The following SEMA5A variants were observed in gnomAD, a reference collection of about 807,000 sequenced individuals.
SEMA5A encodes semaphorin-5A.
Under a neutral mutation model 135.5 loss-of-function variants are expected in SEMA5A, and 55 were observed. The ratio of observed to expected loss-of-function variants is 0.41; its 90% CI spans 0.33 to 0.51. The LOEUF is 0.51. Ranked by LOEUF, SEMA5A falls within the 20% of genes least tolerant of loss-of-function variation. The pLI, the probability that SEMA5A is intolerant of heterozygous loss-of-function variation, is 0.37. For missense variants in SEMA5A, 1,290 were observed against 1,419.9 expected (o/e 0.91, Z 1.47); for synonymous variants, 580 against 546.5 (o/e 1.06, Z -0.85).
At chr5:9,232,183 A>G (rs756045515) in intron 6 of SEMA5A, among the ~76,000 whole-genome samples, 12 of 152,162 alleles carry the variant, frequency 7.9e-5, no homozygotes, top group Admixed American at 3.9e-4. Context: ...ATAGCATTTC[A>G]TGATTTTTTT....
intron 13 of SEMA5A, among the ~76,000 whole-genome samples, chr5:9,132,047 C>T (rs1326924256): frequency 6.6e-6 from 1 of 152,140 alleles, no homozygotes; most frequent in African/African-American, 2.4e-5. Context: ...TGATGCACTT[C>T]AAATCTCTTA....
intron 8 of SEMA5A, among the ~76,000 whole-genome samples, chr5:9,213,105 G>A (rs1561027871): frequency 6.6e-6 from 1 of 152,100 alleles, no homozygotes; most frequent in South Asian, 2.1e-4. Context: ...TGTTTACTCG[G>A]GCACGAATCC....
chr5:9,333,457 A>G (rs976026796), intron 4 of SEMA5A, among the ~76,000 whole-genome samples: 1 of 152,260 alleles, frequency 6.6e-6, no homozygotes, highest in African/African-American at 2.4e-5. Flanking sequence ...GGATGGAATC[A>G]CTTGCCACCC....
intron 16 of SEMA5A, among the ~76,000 whole-genome samples, chr5:9,086,885 G>A (rs1016178083): frequency 4.6e-5 from 7 of 152,220 alleles, no homozygotes; most frequent in Non-Finnish European, 7.4e-5. Context: ...TACTATTAAT[G>A]CATTTGATTT....
chr5:9,158,824 A>G (rs1743094639), intron 11 of SEMA5A, among the ~76,000 whole-genome samples: 2 of 152,338 alleles, frequency 1.3e-5, no homozygotes, highest in Admixed American at 6.5e-5. Context: ...TTCAAAAGAC[A>G]CAAATACTTG....
At chr5:9,426,254 T>C (rs1757643609) in intron 2 of SEMA5A, among the ~76,000 whole-genome samples, 1 of 151,340 alleles carries the variant, frequency 6.6e-6, no homozygotes, top group Non-Finnish European at 1.5e-5. Context: ...TGAAACCCCG[T>C]CTCTACTAAA....
intron 5 of SEMA5A, among the ~76,000 whole-genome samples, chr5:9,240,601 T>C (rs1365091372): frequency 1.3e-5 from 2 of 152,022 alleles, no homozygotes; most frequent in African/African-American, 4.8e-5. Context: ...AGTATCAATG[T>C]ACCTCCTCTC....
chr5:9,133,334 G>A (rs955274066), intron 13 of SEMA5A, among the ~76,000 whole-genome samples: 26 of 152,130 alleles, frequency 1.7e-4, no homozygotes, highest in African/African-American at 6.0e-4. Flanking sequence ...TTTTCAAAAT[G>A]GTAGCCTATA....
At chr5:9,219,368 TG>T (rs1454539466) in intron 8 of SEMA5A, among the ~76,000 whole-genome samples, 10 of 152,188 alleles carry the variant, frequency 6.6e-5, no homozygotes. Context: ...TGCAGGTGTC[TG>T]GCTCAGATGA....
At chr5:9,460,613 T>G (rs1285082381) in intron 1 of SEMA5A, among the ~76,000 whole-genome samples, 3 of 152,208 alleles carry the variant, frequency 2.0e-5, no homozygotes, top group Non-Finnish European at 4.4e-5. Context: ...TTTTGATTAC[T>G]TCTCTACTTT....
At chr5:9,397,484 C>T (rs1756457361) in intron 2 of SEMA5A, among the ~76,000 whole-genome samples, 1 of 152,098 alleles carries the variant, frequency 6.6e-6, no homozygotes, top group Admixed American at 6.5e-5. Flanking sequence ...GTGCCAGGTC[C>T]ACTGCAAGTA....
intron 4 of SEMA5A, among the ~76,000 whole-genome samples, chr5:9,329,677 T>C (rs1016626098): frequency 6.6e-6 from 1 of 152,222 alleles, no homozygotes; most frequent in African/African-American, 2.4e-5. Context: ...AGTTATTCAA[T>C]TATTATCACA....
At chr5:9,527,876 C>T (rs142198266) in intron 1 of SEMA5A, among the ~76,000 whole-genome samples, 1 of 152,156 alleles carries the variant, frequency 6.6e-6, no homozygotes, top group East Asian at 1.9e-4. Flanking sequence ...TAACCACTAC[C>T]TTTATACTGC....
At chr5:9,504,147 G>A (rs544485598) in intron 1 of SEMA5A, among the ~76,000 whole-genome samples, 25 of 150,170 alleles carry the variant, frequency 1.7e-4, no homozygotes, top group Admixed American at 3.3e-4. Flanking sequence ...CCCAGGAGGC[G>A]GAGGCTGCAG....
intron 5 of SEMA5A, among the ~76,000 whole-genome samples, chr5:9,278,789 G>T (rs187504885): frequency 2.0e-5 from 3 of 152,342 alleles, no homozygotes; most frequent in African/African-American, 7.2e-5. Context: ...CATCTACGTG[G>T]TGCTGGGCCT....
chr5:9,300,620 A>G (rs925347876), intron 5 of SEMA5A, among the ~76,000 whole-genome samples: 1 of 152,206 alleles, frequency 6.6e-6, no homozygotes, highest in African/African-American at 2.4e-5. Context: ...CCCAAAACAT[A>G]TATCTATTTG....
intron 5 of SEMA5A, among the ~76,000 whole-genome samples, chr5:9,253,950 A>G (rs983620858): frequency 7.9e-5 from 12 of 152,216 alleles, no homozygotes; most frequent in Non-Finnish European, 1.5e-4. Flanking sequence ...TTGCTCCTCC[A>G]TGCCTAACAT....
intron 9 of SEMA5A, among the ~76,000 whole-genome samples, chr5:9,197,718 G>A: frequency 6.9e-6 from 1 of 145,786 alleles, no homozygotes; most frequent in African/African-American, 2.5e-5. Flanking sequence ...CCAGCAGCAG[G>A]GAAAGCTGTT....
intron 1 of SEMA5A, among the ~76,000 whole-genome samples, chr5:9,480,782 C>T (rs1175509300): frequency 6.6e-6 from 1 of 152,220 alleles, no homozygotes; most frequent in South Asian, 2.1e-4. Context: ...CCTCACTGTT[C>T]CTGCCCTAAC....
Sources: gnomAD v4.1 joint callset for allele counts (sites outside exome capture counted in the v4.1 genomes callset) on GRCh38, gnomAD v4.1.1 for gene constraint, MANE v1.5 for transcripts, NCBI Gene and HGNC (gene_info 2026-07-23, HGNC 2026-07-21) for gene names.